Variants in RORB observed in about 807,000 individuals in gnomAD.
RORB encodes the protein nuclear receptor ROR-beta.
Under a neutral mutation model 59.1 loss-of-function variants are expected in RORB, and 6 were observed. The ratio of observed to expected loss-of-function variants is 0.10; its 90% CI spans 0.06 to 0.20. The LOEUF (loss-of-function observed/expected upper bound fraction) is 0.20, where lower values mean the gene tolerates loss of function less well. RORB is among the 10% of genes least tolerant of loss of function. The pLI is 1.00. For synonymous variants in RORB, 215 were observed against 204.5 expected (o/e 1.05, Z -0.44); for missense variants, 320 against 560.5 (o/e 0.57, Z 4.33).
intron 2 of RORB, among the ~76,000 whole-genome samples, chr9:74,634,277 T>C (rs1212115906): frequency 2.0e-5 from 3 of 152,202 alleles, no homozygotes; most frequent in Non-Finnish European, 1.5e-5. Context: ...AGTTCTGTCA[T>C]GTTTGGTTTA....
intron 9 of RORB, among the ~76,000 whole-genome samples, chr9:74,682,918 G>A (rs1401071639): frequency 6.6e-6 from 1 of 152,122 alleles, no homozygotes; most frequent in Admixed American, 6.5e-5. Flanking sequence ...AAAACCAGTT[G>A]TAAATTTATA....
intron 1 of RORB, among the ~76,000 whole-genome samples, chr9:74,508,944 C>A (rs1286539402): frequency 6.6e-6 from 1 of 151,650 alleles, no homozygotes; most frequent in African/African-American, 2.4e-5. Flanking sequence ...TTTTTGCCAC[C>A]CCTGTATTCG....
At position 74,691,632 on chromosome 9, in the gene RORB, C is replaced by T. The variant is rs116193481; in HGVS notation, c.*6014C>T. The T allele has an allele frequency of 2.1e-3, 313 of 152,194 alleles. 1 individual carries two copies. Among genetic ancestry groups the T allele is most frequent in the African/African-American group, 7.3e-3 (303 of 41,506 alleles). The allele number at this position is 152,194 out of a possible 1,614,324, so 9.4% of individuals were successfully genotyped here. On this transcript the variant is annotated 3_prime_UTR_variant, in exon 10 of 10. Coordinates refer to ENST00000376896, the MANE Select transcript of RORB (RefSeq NM_006914.4). ...AATTTTTGCTGTAAATAACTGGAGA[C>T]GGTGAGTACACTGATTTTTCTATGT...
At chr9:74,662,910 C>T (rs1377587307) in intron 6 of RORB, among the ~76,000 whole-genome samples, 8 of 151,688 alleles carry the variant, frequency 5.3e-5, no homozygotes, top group Admixed American at 4.6e-4. Flanking sequence ...GCTGAGCCGG[C>T]GCTAAAACGT....
At chr9:74,679,571 T>G (rs1199428827) in intron 9 of RORB, among the ~76,000 whole-genome samples, 1 of 152,136 alleles carries the variant, frequency 6.6e-6, no homozygotes, top group Non-Finnish European at 1.5e-5. Flanking sequence ...GAACCTGCAT[T>G]TATTATGAAT....
intron 1 of RORB, among the ~76,000 whole-genome samples, chr9:74,583,800 T>G (rs1350369053): frequency 1.3e-5 from 2 of 152,176 alleles, no homozygotes; most frequent in African/African-American, 2.4e-5. Flanking sequence ...TTCTCAAAGC[T>G]GAATCCAAAT....
chr9:74,642,592 C>A lies in RORB; in HGVS notation c.414C>A (p.Ser138Arg). ...NGLSNLNNET[S>R]GTYANGHVID... ...TGAGCAACCTGAACAACGAGACCAG[C>A]GGCACTTATGCCAACGGGCACGTCA... The change falls in exon 4 of 10, where the codon AGC (serine) becomes AGA (arginine). Residue 138 changes from serine (S) to arginine (R), a missense_variant. By Grantham distance (110) the Ser-to-Arg change is moderately radical. Around this residue, in one of 4 missense-constraint regions of RORB, gnomAD observed 134 missense variants for 156.2 expected, o/e 0.86. Coordinates refer to ENST00000376896, the MANE Select transcript of RORB (RefSeq NM_006914.4). 1 of 1,614,186 alleles carries A rather than the reference C, an allele frequency of 6.2e-7. No individual in the cohort carries two copies. Among genetic ancestry groups the A allele is most frequent in the African/African-American group, 1.3e-5 (1 of 75,036 alleles).
At chr9:74,600,287 T>C (rs1166735779) in intron 1 of RORB, among the ~76,000 whole-genome samples, 3 of 152,246 alleles carry the variant, frequency 2.0e-5, no homozygotes, top group African/African-American at 7.2e-5. Flanking sequence ...AAGGAATAAA[T>C]GATCAAAAAA....
intron 9 of RORB, among the ~76,000 whole-genome samples, chr9:74,677,142 C>T (rs1054219439): frequency 2.0e-5 from 3 of 152,118 alleles, no homozygotes; most frequent in Admixed American, 6.6e-5. Context: ...ATACAGGCTA[C>T]GACATAGAGA....
intron 1 of RORB, among the ~76,000 whole-genome samples, chr9:74,609,936 G>A (rs1420872627): frequency 6.6e-6 from 1 of 152,116 alleles, no homozygotes; most frequent in Non-Finnish European, 1.5e-5. Flanking sequence ...ACACAGAACA[G>A]CTCCAGAGAA....
At chr9:74,591,534 T>A (rs911994267) in intron 1 of RORB, among the ~76,000 whole-genome samples, 35 of 152,196 alleles carry the variant, frequency 2.3e-4, no homozygotes, top group African/African-American at 8.2e-4. Context: ...TCTAATTTAA[T>A]GTGGATAGCT....
chr9:74,644,716 T>C (rs1042728257), intron 4 of RORB, among the ~76,000 whole-genome samples: 1 of 152,250 alleles, frequency 6.6e-6, no homozygotes, highest in African/African-American at 2.4e-5. Context: ...AGTCTACTAT[T>C]AATTTGAGAG....
At chr9:74,580,838 A>G (rs1475677207) in intron 1 of RORB, among the ~76,000 whole-genome samples, 1 of 152,162 alleles carries the variant, frequency 6.6e-6, no homozygotes, top group African/African-American at 2.4e-5. Context: ...TATAATGGGA[A>G]TGTTTATAAC....
chr9:74,638,147 C>T lies in RORB; in HGVS notation c.235+3375C>T, dbSNP rs151120825. Among the ~76,000 whole-genome samples, 240 of 152,152 alleles carry T rather than the reference C, an allele frequency of 1.6e-3. 2 individuals are homozygous for T. The highest frequency in any genetic ancestry group is 4.9e-3 in the African/African-American group (205 of 41,486). ...ATGTAAATATAGAGAACTTTACAAC[C>T]GAAGGTAGTAGATAAAATGATTTTG... On this transcript the variant is annotated intron_variant, in intron 3 of 9. Transcript: ENST00000376896.
At chr9:74,601,807 T>C (rs1447074778) in intron 1 of RORB, among the ~76,000 whole-genome samples, 1 of 152,186 alleles carries the variant, frequency 6.6e-6, no homozygotes, top group Non-Finnish European at 1.5e-5. Flanking sequence ...GGTTGTATTT[T>C]AGGGGGTGAA....
intron 1 of RORB, among the ~76,000 whole-genome samples, chr9:74,612,818 T>C (rs991539927): frequency 6.6e-6 from 1 of 152,176 alleles, no homozygotes; most frequent in Non-Finnish European, 1.5e-5. Flanking sequence ...ACACATCAGA[T>C]ATTTGGTATC....
chr9:74,620,077 T>C lies in RORB; in HGVS notation c.8-10205T>C, dbSNP rs918665179. On this transcript the variant is annotated intron_variant, in intron 1 of 9. Transcript: ENST00000376896. The stretch of plus-strand genomic sequence containing the variant: ...CTCATAAAATGAGTTAGGGAGGATT[T>C]CCTCTTTTTCTATTGATTGGAGTAG... Among the ~76,000 whole-genome samples, 70 of 152,170 alleles carry C rather than the reference T, an allele frequency of 4.6e-4. 2 individuals are homozygous for C.
chr9:74,521,179 T>C (rs1405108398), intron 1 of RORB, among the ~76,000 whole-genome samples: 1 of 151,914 alleles, frequency 6.6e-6, no homozygotes, highest in African/African-American at 2.4e-5. Context: ...AAATAATGTT[T>C]CACTTAAGGG....
intron 1 of RORB, among the ~76,000 whole-genome samples, chr9:74,579,034 A>T (rs185964444): frequency 6.6e-6 from 1 of 152,262 alleles, no homozygotes; most frequent in Non-Finnish European, 1.5e-5. Context: ...ACTAGTGTTT[A>T]TACTCTATTA....
Sources: allele counts gnomAD v4.1 joint callset (sites outside exome capture counted in the v4.1 genomes callset), GRCh38; gene constraint gnomAD v4.1.1; regional missense constraint gnomAD v4.1.1; transcripts MANE v1.5; gene names NCBI Gene and HGNC (gene_info 2026-07-23, HGNC 2026-07-21).